The following ZFHX3 variants were observed in gnomAD, a reference collection of about 807,000 sequenced individuals.
The protein encoded by ZFHX3 is zinc finger homeobox 3, also known as zinc finger homeobox protein 3.
In ZFHX3, 42 loss-of-function variants were observed where a neutral mutation model predicts 279.1. That is an observed-to-expected ratio of 0.15 (90% CI 0.12 to 0.19). The LOEUF (loss-of-function observed/expected upper bound fraction) is 0.19, where lower values mean the gene tolerates loss of function less well. Among genes scored for constraint, ZFHX3 ranks in the 10% least tolerant of loss-of-function variants. The pLI is 1.00. For missense variants in ZFHX3, 4,981 were observed against 4,754.0 expected (o/e 1.05, Z -1.40); for synonymous variants, 2,293 against 1,957.8 (o/e 1.17, Z -4.52).
chr16:73,093,611 A>G (rs1966118778), intron 7 of ZFHX3: 1 of 506,966 alleles, frequency 2.0e-6, no homozygotes, highest in South Asian at 1.5e-5. Flanking sequence ...GCAAACAGAC[A>G]GCACGGAGAA....
intron 1 of ZFHX3, among the ~76,000 whole-genome samples, chr16:73,791,261 A>C (rs1959813642): frequency 6.6e-6 from 1 of 152,032 alleles, no homozygotes; most frequent in Admixed American, 6.6e-5. Flanking sequence ...CACCGTGCCC[A>C]GCCCCAACTT....
intron 1 of ZFHX3, among the ~76,000 whole-genome samples, chr16:73,000,955 T>C (rs1440769566): frequency 2.0e-5 from 3 of 152,302 alleles, no homozygotes; most frequent in Admixed American, 6.5e-5. Context: ...TTATGATCCC[T>C]GGTGGGCAGC....
intron 2 of ZFHX3, among the ~76,000 whole-genome samples, chr16:73,488,262 G>C (rs569044942): frequency 6.6e-6 from 1 of 152,280 alleles, no homozygotes; most frequent in Admixed American, 6.5e-5. Flanking sequence ...CAGAAGTGTT[G>C]CAATACCAGG....
intron 5 of ZFHX3, among the ~76,000 whole-genome samples, chr16:73,248,655 G>GTGTGTGTGTGTC (rs1048654141): frequency 1.3e-5 from 2 of 151,870 alleles, no homozygotes; most frequent in African/African-American, 4.8e-5. Flanking sequence ...ATGTGTGTGT[G>GTGTGTGTGTGTC]TGTGTGTGTG....
At chr16:72,877,084 G>A (rs796803743) in intron 4 of ZFHX3, among the ~76,000 whole-genome samples, 9 of 152,316 alleles carry the variant, frequency 5.9e-5, no homozygotes, top group African/African-American at 2.2e-4. Flanking sequence ...CTACATTCCT[G>A]ATTAAAGCAA....
Position 73,668,155 on chromosome 16 carries a change from C to T in ZFHX3, c.-1547+12025G>A, listed in dbSNP as rs75133561. Among the ~76,000 whole-genome samples, 797 of 152,146 alleles carry T rather than the reference C, an allele frequency of 5.2e-3. 10 individuals are homozygous for T. The highest frequency in any genetic ancestry group is 0.018 in the African/African-American group (763 of 41,486). ...GATCTATGTGTGCCAGACTATTTTT[C>T]GGCACAAGTGTCTATCATGGTCAAG... On this transcript the variant is annotated intron_variant, in intron 2 of 17. Transcript: ENST00000641206.
intron 2 of ZFHX3, among the ~76,000 whole-genome samples, chr16:73,517,303 G>GCA (rs1196947677): frequency 6.6e-6 from 1 of 152,108 alleles, no homozygotes; most frequent in African/African-American, 2.4e-5. Flanking sequence ...CATTTCCTTT[G>GCA]CACTAGAAAT....
At chr16:73,370,387 G>T (rs2016606037) in intron 3 of ZFHX3, among the ~76,000 whole-genome samples, 1 of 152,158 alleles carries the variant, frequency 6.6e-6, no homozygotes, top group Non-Finnish European at 1.5e-5. Flanking sequence ...TATTAATGAA[G>T]GTTCGAGCAT....
At chr16:73,600,330 C>G (rs913852335) in intron 2 of ZFHX3, among the ~76,000 whole-genome samples, 1 of 151,956 alleles carries the variant, frequency 6.6e-6, no homozygotes, top group African/African-American at 2.4e-5. Context: ...AGGCACTGGA[C>G]TTGTTCTTCC....
At chr16:73,700,542 T>A (rs185498457) in intron 1 of ZFHX3, among the ~76,000 whole-genome samples, 170 of 152,328 alleles carry the variant, frequency 1.1e-3, no homozygotes, top group Admixed American at 3.5e-3. Flanking sequence ...AAGTCTATTA[T>A]GTAAATTCAC....
intron 5 of ZFHX3, among the ~76,000 whole-genome samples, chr16:73,195,240 G>A (rs1271899888): frequency 1.3e-5 from 2 of 152,088 alleles, no homozygotes; most frequent in African/African-American, 2.4e-5. Context: ...AAAGGGAGAA[G>A]GGGAGGACCC....
chr16:73,067,583 C>T (rs911407020), intron 8 of ZFHX3, among the ~76,000 whole-genome samples: 1 of 152,216 alleles, frequency 6.6e-6, no homozygotes, highest in Admixed American at 6.5e-5. Flanking sequence ...CCTGTGGGTC[C>T]CAACTAGTTC....
At chr16:73,432,755 A>C (rs760807228) in intron 3 of ZFHX3, among the ~76,000 whole-genome samples, 1 of 149,996 alleles carries the variant, frequency 6.7e-6, no homozygotes, top group Non-Finnish European at 1.5e-5. Flanking sequence ...TCCTAAGAGC[A>C]TCTTAGAATC....
intron 3 of ZFHX3, among the ~76,000 whole-genome samples, chr16:73,319,882 A>C (rs1467218583): frequency 1.3e-5 from 2 of 152,206 alleles, no homozygotes; most frequent in Admixed American, 6.5e-5. Flanking sequence ...GGTGTGCTGC[A>C]ATCTGGCTGG....
At chr16:73,775,333 A>G (rs1252687718) in intron 1 of ZFHX3, among the ~76,000 whole-genome samples, 1 of 152,124 alleles carries the variant, frequency 6.6e-6, no homozygotes, top group Admixed American at 6.5e-5. Flanking sequence ...TGTAGCACCA[A>G]TATAGTTATA....
Position 72,959,222 on chromosome 16 carries a change from G to A in ZFHX3, c.924C>T (p.Thr308=), listed in dbSNP as rs369122588. 4.3e-6 allele frequency: 7 copies of A among 1,614,164 alleles called. No homozygotes were observed. The African/African-American group carries it at 8.0e-5, about 18-fold the overall frequency. Residue 308 remains threonine, a synonymous_variant, in exon 2 of 10, where the codon ACC becomes ACT. Transcript: ENST00000268489. ...GAATTTTCCGCTCGTCTTCGCTCAG[G>A]GTCATTCGATGGTCATGCACCGCGT... ...VTHAVHDHRM[T]LSEDERKILS...
intron 3 of ZFHX3, among the ~76,000 whole-genome samples, chr16:72,946,651 C>A (rs913255941): frequency 6.6e-6 from 1 of 152,156 alleles, no homozygotes; most frequent in African/African-American, 2.4e-5. Flanking sequence ...GCAAGATAAA[C>A]GTGGAAGAGC....
At chr16:72,943,359 C>T (rs1408201302) in intron 3 of ZFHX3, among the ~76,000 whole-genome samples, 2 of 152,064 alleles carry the variant, frequency 1.3e-5, no homozygotes, top group African/African-American at 4.8e-5. Context: ...CATGGCAAAA[C>T]CCCATCTCTA....
At chr16:73,885,451 T>C (rs1251819252) in intron 1 of ZFHX3, among the ~76,000 whole-genome samples, 2 of 152,224 alleles carry the variant, frequency 1.3e-5, no homozygotes, top group East Asian at 1.9e-4. Flanking sequence ...TATATAATTC[T>C]ATTAGAAGTA....
Sources: gnomAD v4.1 joint callset for allele counts (sites outside exome capture counted in the v4.1 genomes callset) on GRCh38, gnomAD v4.1.1 for gene constraint, MANE v1.5 for transcripts, NCBI Gene and HGNC (gene_info 2026-07-23, HGNC 2026-07-21) for gene names.